Variants in LINGO2 observed in about 807,000 individuals in gnomAD.
LINGO2 encodes the protein leucine rich repeat and Ig domain containing 2.
LINGO2 carries 14 observed loss-of-function variants against 30.6 expected under a neutral mutation model. The ratio of observed to expected loss-of-function variants is 0.46; its 90% CI spans 0.30 to 0.72. The LOEUF is 0.72. Ranked by LOEUF, LINGO2 falls within the 30% of genes least tolerant of loss-of-function variation. The pLI, the probability that LINGO2 is intolerant of heterozygous loss-of-function variation, is 0.07. For synonymous variants in LINGO2, 317 were observed against 288.5 expected (o/e 1.10, Z -1.00); for missense variants, 729 against 751.7 (o/e 0.97, Z 0.35).
intron 1 of LINGO2, among the ~76,000 whole-genome samples, chr9:28,515,203 CATT>C (rs1820571171): frequency 2.7e-5 from 3 of 109,674 alleles, no homozygotes; most frequent in South Asian, 3.2e-4. Flanking sequence ...TTAAGAAATA[CATT>C]TTTTTTTTTT....
At chr9:28,002,481 C>T (rs1295873668) in intron 5 of LINGO2, among the ~76,000 whole-genome samples, 4 of 152,254 alleles carry the variant, frequency 2.6e-5, no homozygotes, top group Non-Finnish European at 5.9e-5. Flanking sequence ...ATTTCTATAA[C>T]TGTTTTCCAT....
chr9:27,966,324 A>G (rs1302745824), intron 5 of LINGO2, among the ~76,000 whole-genome samples: 8 of 152,148 alleles, frequency 5.3e-5, no homozygotes, highest in Non-Finnish European at 1.2e-4. Flanking sequence ...AAGTTCCTCT[A>G]AAGATACAGT....
chr9:28,879,012 A>G, the LINGO2 span, among the ~76,000 whole-genome samples: 50 of 152,306 alleles, frequency 3.3e-4, no homozygotes, highest in Non-Finnish European at 6.3e-4. Flanking sequence ...AGAAGGAAAT[A>G]AAGTGTATTC....
At chr9:28,181,352 G>T (rs13300738) in intron 4 of LINGO2, among the ~76,000 whole-genome samples, 1 of 152,094 alleles carries the variant, frequency 6.6e-6, no homozygotes, top group African/African-American at 2.4e-5. Context: ...TTTCATTGTT[G>T]CTTGAATAAT....
At chr9:28,559,459 A>T (rs541181218) in intron 1 of LINGO2, among the ~76,000 whole-genome samples, 73 of 152,208 alleles carry the variant, frequency 4.8e-4, no homozygotes, top group African/African-American at 1.7e-3. Context: ...GTCATTGCAC[A>T]TGCATTTTAT....
intron 2 of LINGO2, among the ~76,000 whole-genome samples, chr9:28,444,922 A>G (rs1311744786): frequency 6.6e-6 from 1 of 152,194 alleles, no homozygotes; most frequent in Non-Finnish European, 1.5e-5. Flanking sequence ...AGTGGGCAGA[A>G]CTAGCCCAGT....
the LINGO2 span, among the ~76,000 whole-genome samples, chr9:28,793,696 T>C: frequency 0.38 from 57,342 of 151,988 alleles, 12,738 homozygotes; most frequent in Middle Eastern, 0.5. Context: ...GCAACAGACC[T>C]TACAAATCAT....
chr9:28,470,537 C>T (rs1194415641), intron 2 of LINGO2, among the ~76,000 whole-genome samples: 1 of 152,172 alleles, frequency 6.6e-6, no homozygotes, highest in East Asian at 1.9e-4. Flanking sequence ...CAAGATCATG[C>T]TGCCCTCCTG....
intron 4 of LINGO2, among the ~76,000 whole-genome samples, chr9:28,181,272 T>G (rs902011474): frequency 6.6e-6 from 1 of 152,308 alleles, no homozygotes; most frequent in African/African-American, 2.4e-5. Context: ...ATAGGAGGGA[T>G]GTATTCATTG....
chr9:28,987,650 C>T, the LINGO2 span, among the ~76,000 whole-genome samples: 1 of 151,910 alleles, frequency 6.6e-6, no homozygotes, highest in Non-Finnish European at 1.5e-5. Context: ...TCTGAGATCC[C>T]TCTTCTTTTG....
chr9:28,623,347 C>T (rs913053043), intron 1 of LINGO2, among the ~76,000 whole-genome samples: 1 of 151,980 alleles, frequency 6.6e-6, no homozygotes, highest in East Asian at 1.9e-4. Flanking sequence ...AGGTTTTAAT[C>T]CATTTTGATT....
chr9:28,809,095 C>A, the LINGO2 span, among the ~76,000 whole-genome samples: 1 of 152,170 alleles, frequency 6.6e-6, no homozygotes, highest in East Asian at 1.9e-4. Flanking sequence ...AGAAGCTTTT[C>A]TTTAATTAAA....
the LINGO2 span, among the ~76,000 whole-genome samples, chr9:28,686,523 G>C: frequency 3.9e-4 from 60 of 151,930 alleles, no homozygotes; most frequent in Non-Finnish European, 5.9e-5. Flanking sequence ...CCTCAAGTAA[G>C]ATTTCATTTC....
intron 2 of LINGO2, among the ~76,000 whole-genome samples, chr9:28,387,502 T>C (rs1036417960): frequency 2.0e-5 from 3 of 152,208 alleles, no homozygotes; most frequent in Admixed American, 6.5e-5. Flanking sequence ...CCTTCCACGT[T>C]GTAGAAGCCT....
chr9:28,848,363 TTGTGTGTGTGTGTG>T, the LINGO2 span, among the ~76,000 whole-genome samples: 3,684 of 74,672 alleles, frequency 0.049, 317 homozygotes, highest in African/African-American at 0.16. Flanking sequence ...TACACATATA[TTGTGTGTGTGTGTG>T]TGTGTGTGTG....
At chr9:28,554,001 C>T (rs1333032616) in intron 1 of LINGO2, among the ~76,000 whole-genome samples, 2 of 152,020 alleles carry the variant, frequency 1.3e-5, no homozygotes, top group African/African-American at 4.8e-5. Flanking sequence ...GAAGGAAGCG[C>T]TAAACTTAGA....
the LINGO2 span, among the ~76,000 whole-genome samples, chr9:28,703,717 TTC>T: frequency 6.6e-6 from 1 of 151,944 alleles, no homozygotes; most frequent in Admixed American, 6.6e-5. Flanking sequence ...TGATGCCATT[TTC>T]TCTCTCTCTT....
At chr9:28,137,168 T>C (rs1480025690) in intron 4 of LINGO2, among the ~76,000 whole-genome samples, 4 of 143,894 alleles carry the variant, frequency 2.8e-5, no homozygotes, top group African/African-American at 5.2e-5. Flanking sequence ...TAAATATTTT[T>C]ATATATTCAT....
the LINGO2 span, among the ~76,000 whole-genome samples, chr9:29,034,015 G>C: frequency 1.3e-5 from 2 of 151,890 alleles, no homozygotes; most frequent in Non-Finnish European, 2.9e-5. Context: ...CCAGGTGGTG[G>C]AGGTTGCAGT....
Sources: gnomAD v4.1 joint callset for allele counts (sites outside exome capture counted in the v4.1 genomes callset) on GRCh38, gnomAD v4.1.1 for gene constraint, MANE v1.5 for transcripts, NCBI Gene and HGNC (gene_info 2026-07-23, HGNC 2026-07-21) for gene names.